Variants in ADISSP observed in about 807,000 individuals in gnomAD.
ADISSP encodes the protein adipose secreted signaling protein.
At chr20:3,753,883 G>T in the ADISSP span, 1 of 613,938 alleles carries the variant, frequency 1.6e-6, no homozygotes, top group Admixed American at 2.7e-5. Context: ...AGGAGGACGA[G>T]GGAGGGGCAG....
the ADISSP span, among the ~76,000 whole-genome samples, chr20:3,756,195 C>T: frequency 6.6e-6 from 1 of 152,204 alleles, no homozygotes; most frequent in Non-Finnish European, 1.5e-5. Flanking sequence ...CAGAGCTGGC[C>T]CACAGGCCTG....
the ADISSP span, among the ~76,000 whole-genome samples, chr20:3,763,190 A>C: frequency 2.9e-5 from 4 of 138,568 alleles, no homozygotes; most frequent in African/African-American, 5.4e-5. Flanking sequence ...TGGGAGGCGG[A>C]GGTTGCAGTG....
chr20:3,762,405 C>T, the ADISSP span, among the ~76,000 whole-genome samples: 3 of 152,146 alleles, frequency 2.0e-5, no homozygotes, highest in Non-Finnish European at 4.4e-5. Flanking sequence ...GTTTTTGAGA[C>T]AGGGTCTCAC....
At chr20:3,763,557 CA>C in the ADISSP span, among the ~76,000 whole-genome samples, 199 of 117,482 alleles carry the variant, frequency 1.7e-3, no homozygotes, top group Non-Finnish European at 1.9e-3. Context: ...AACTCCGTCT[CA>C]AAAAAAAAAA....
chr20:3,762,171 T>C, the ADISSP span, among the ~76,000 whole-genome samples: 2 of 151,220 alleles, frequency 1.3e-5, no homozygotes, highest in East Asian at 3.9e-4. Flanking sequence ...AGTTGGGAGG[T>C]TGAGGCAGGA....
At chr20:3,758,753 C>T in the ADISSP span, 6 of 1,417,244 alleles carry the variant, frequency 4.2e-6, no homozygotes, top group South Asian at 1.2e-5. This position sits in a 1 kb window ranked among gnomAD's most constrained non-coding sequence, Gnocchi z 5.5. Flanking sequence ...CCCTCGTCAC[C>T]CCCAAGACTG....
the ADISSP span, chr20:3,754,228 C>G: frequency 6.1e-6 from 9 of 1,483,530 alleles, no homozygotes; most frequent in Non-Finnish European, 7.5e-6. Flanking sequence ...CTAAGGGGAC[C>G]CCTCCCCTTC....
chr20:3,756,750 G>A, the ADISSP span, among the ~76,000 whole-genome samples: 13 of 152,142 alleles, frequency 8.5e-5, no homozygotes, highest in African/African-American at 3.1e-4. Flanking sequence ...AAATAGAGAT[G>A]TGCAGAAAAA....
chr20:3,758,735 C>T, the ADISSP span: 1 of 1,560,410 alleles, frequency 6.4e-7, no homozygotes, highest in Non-Finnish European at 8.8e-7. This position sits in a 1 kb window ranked among gnomAD's most constrained non-coding sequence, Gnocchi z 5.5. Flanking sequence ...AAACTCCTCC[C>T]CCTTGTCCCC....
chr20:3,758,065 C>A, the ADISSP span, among the ~76,000 whole-genome samples: 1 of 152,222 alleles, frequency 6.6e-6, no homozygotes, highest in East Asian at 1.9e-4. The surrounding 1 kb of genome is among the most constrained non-coding windows in gnomAD (Gnocchi z 5.5). Context: ...AGAGATTTGG[C>A]AAAGAAGGGT....
the ADISSP span, among the ~76,000 whole-genome samples, chr20:3,756,873 A>G: frequency 6.6e-6 from 1 of 152,212 alleles, no homozygotes; most frequent in African/African-American, 2.4e-5. Flanking sequence ...AGGCAGTTGT[A>G]AAATCTCGTG....
At chr20:3,762,524 C>A in the ADISSP span, among the ~76,000 whole-genome samples, 1 of 152,158 alleles carries the variant, frequency 6.6e-6, no homozygotes, top group Non-Finnish European at 1.5e-5. Context: ...CCACGCACCA[C>A]CATGCCCGGC....
chr20:3,757,681 T>G, the ADISSP span, among the ~76,000 whole-genome samples: 6 of 152,174 alleles, frequency 3.9e-5, no homozygotes, highest in South Asian at 1.0e-3. Context: ...CAGGCTGGAG[T>G]GCAGTGGCAC....
At chr20:3,753,743 T>G in the ADISSP span, 2 of 429,660 alleles carry the variant, frequency 4.7e-6, no homozygotes, top group South Asian at 2.4e-5. Flanking sequence ...TGGGAGTCCC[T>G]GTGGCTTGGG....
At chr20:3,761,704 A>T in the ADISSP span, among the ~76,000 whole-genome samples, 1 of 152,172 alleles carries the variant, frequency 6.6e-6, no homozygotes, top group East Asian at 1.9e-4. Context: ...CCAGTCACAC[A>T]CTGGTCTATC....
chr20:3,760,144 C>T, the ADISSP span: 1 of 1,496,380 alleles, frequency 6.7e-7, no homozygotes, highest in Non-Finnish European at 9.3e-7. Context: ...CACCGCCACT[C>T]ACGCTCAGCA....
At chr20:3,753,804 G>C in the ADISSP span, 1 of 558,338 alleles carries the variant, frequency 1.8e-6, no homozygotes, top group Non-Finnish European at 3.2e-6. Flanking sequence ...TCCTCAGACA[G>C]CCTCCTTTCG....
At chr20:3,762,740 C>T in the ADISSP span, among the ~76,000 whole-genome samples, 6 of 152,198 alleles carry the variant, frequency 3.9e-5, no homozygotes, top group African/African-American at 1.4e-4. Context: ...AACAAAGTTA[C>T]TTCCAAGTAG....
the ADISSP span, among the ~76,000 whole-genome samples, chr20:3,764,758 G>A: frequency 0.011 from 1,696 of 152,358 alleles, 15 homozygotes; most frequent in Non-Finnish European, 0.017. Flanking sequence ...CATTTGCTTG[G>A]AGGGCCTGGC....
Sources: allele counts gnomAD v4.1 joint callset (sites outside exome capture counted in the v4.1 genomes callset), GRCh38; gene constraint gnomAD v4.1.1; non-coding constraint Gnocchi (gnomAD v3.1); transcripts MANE v1.5; gene names NCBI Gene and HGNC (gene_info 2026-07-23, HGNC 2026-07-21).